The following HEATR5B variants were observed in gnomAD, a reference collection of about 807,000 sequenced individuals.
The protein encoded by HEATR5B is HEAT repeat containing 5B.
In HEATR5B, 156 loss-of-function variants were observed where a neutral mutation model predicts 224.1. That is an observed-to-expected ratio of 0.70 (90% CI 0.61 to 0.80). HEATR5B has a LOEUF of 0.80. HEATR5B is among the 30% of genes least tolerant of loss of function. The probability of loss-of-function intolerance (pLI) is 0.00; values close to 1 mark genes in which losing one functional copy is unlikely to be tolerated. For missense variants in HEATR5B, 2,323 were observed against 2,535.5 expected (o/e 0.92, Z 1.80); for synonymous variants, 1,027 against 893.0 (o/e 1.15, Z -2.68).
intron 16 of HEATR5B, 30 bp from the exon 17 acceptor site, chr2:37,053,637 A>C (rs771485038): frequency 2.8e-6 from 4 of 1,405,308 alleles, no homozygotes; most frequent in Admixed American, 3.7e-5. Flanking sequence ...AAATCACATT[A>C]GTGACAAATT....
intron 24 of HEATR5B, among the ~76,000 whole-genome samples, chr2:37,024,733 T>C (rs1328155441): frequency 6.6e-6 from 1 of 152,166 alleles, no homozygotes; most frequent in Non-Finnish European, 1.5e-5. Context: ...AGACCTATTA[T>C]TTCTCCTGCA....
chr2:37,040,139 G>C (rs1669782829), intron 20 of HEATR5B, among the ~76,000 whole-genome samples, 190 bp downstream of exon 20: 1 of 152,130 alleles, frequency 6.6e-6, no homozygotes, highest in African/African-American at 2.4e-5. Flanking sequence ...TCATGTCATA[G>C]GTTTCTTGTA....
At chr2:37,059,646 T>C (rs1671154951) in intron 12 of HEATR5B, among the ~76,000 whole-genome samples, 1 of 151,630 alleles carries the variant, frequency 6.6e-6, no homozygotes, top group East Asian at 1.9e-4. Flanking sequence ...GTATCTTTAG[T>C]AGAGACAAGG....
intron 20 of HEATR5B, among the ~76,000 whole-genome samples, chr2:37,039,657 A>G (rs977107452): frequency 3.3e-5 from 5 of 152,236 alleles, no homozygotes; most frequent in Non-Finnish European, 5.9e-5. Context: ...CTTTGAAAAC[A>G]TATATAATAA....
At chr2:37,049,187 G>A (rs1670381641) in intron 18 of HEATR5B, among the ~76,000 whole-genome samples, 1 of 152,116 alleles carries the variant, frequency 6.6e-6, no homozygotes, top group Admixed American at 6.5e-5. Flanking sequence ...ATATATAAGT[G>A]AATCCTTAAA....
chr2:36,987,631 C>G (rs896236927), intron 35 of HEATR5B, among the ~76,000 whole-genome samples: 1 of 151,690 alleles, frequency 6.6e-6, no homozygotes, highest in African/African-American at 2.4e-5. Flanking sequence ...TGGATGTATG[C>G]AGTAGTTTTT....
At chr2:37,032,018 CT>C (rs1266414419) in intron 22 of HEATR5B, among the ~76,000 whole-genome samples, 2 of 152,050 alleles carry the variant, frequency 1.3e-5, no homozygotes, top group East Asian at 1.9e-4. Flanking sequence ...AAAGATCATC[CT>C]TTTGCTACCA....
At chr2:37,048,767 C>T (rs541441123) in intron 18 of HEATR5B, among the ~76,000 whole-genome samples, 6 of 152,294 alleles carry the variant, frequency 3.9e-5, no homozygotes, top group African/African-American at 7.2e-5. Context: ...CTTTTGCCTG[C>T]TCATACTATC....
chr2:37,025,839 T>C (rs1030292902), intron 24 of HEATR5B, among the ~76,000 whole-genome samples: 1 of 152,212 alleles, frequency 6.6e-6, no homozygotes, highest in Admixed American at 6.5e-5. Flanking sequence ...AAATTCTTAC[T>C]TCCTCTGATT....
intron 33 of HEATR5B, among the ~76,000 whole-genome samples, chr2:36,994,136 TTAA>T (rs1666528077): frequency 6.6e-6 from 1 of 152,082 alleles, no homozygotes; most frequent in Non-Finnish European, 1.5e-5. Flanking sequence ...TTCAGCAAAA[TTAA>T]TAATAATATT....
chr2:37,083,452 G>A lies in HEATR5B; in HGVS notation c.-22-16C>T. On this transcript the variant is annotated splice_polypyrimidine_tract_variant and intron_variant, in intron 1 of 35. Coordinates refer to ENST00000233099, the MANE Select transcript of HEATR5B (RefSeq NM_019024.3). ...AAATTCACACCTTAAATTTAACAGA[G>A]TAAAAAATACTTGTAAGTATTTTTT... 6.4e-7 allele frequency: 1 copy of A among 1,563,584 alleles called. No individual in the cohort carries two copies. Among genetic ancestry groups the A allele is most frequent in the East Asian group, 2.2e-5 (1 of 44,510 alleles).
chr2:37,080,748 T>C (rs1343327068), intron 2 of HEATR5B, among the ~76,000 whole-genome samples: 1 of 150,530 alleles, frequency 6.6e-6, no homozygotes, highest in Non-Finnish European at 1.5e-5. Flanking sequence ...TACAATTAGA[T>C]GATATCACTG....
intron 34 of HEATR5B, 28 bp from the exon 35 acceptor site, chr2:36,988,887 A>T (rs1391511703): frequency 6.6e-7 from 1 of 1,516,072 alleles, no homozygotes; most frequent in Non-Finnish European, 9.2e-7. Flanking sequence ...ATTATCAATT[A>T]ACATGTGTAT....
intron 21 of HEATR5B, among the ~76,000 whole-genome samples, chr2:37,037,159 T>TATATA (rs1448007926): frequency 1.4e-5 from 2 of 139,366 alleles, no homozygotes; most frequent in Non-Finnish European, 3.1e-5. Flanking sequence ...TATATATATA[T>TATATA]TTTGGAGATG....
chr2:37,075,889 T>C (rs1014096300), intron 4 of HEATR5B: 3 of 243,118 alleles, frequency 1.2e-5, no homozygotes, highest in Non-Finnish European at 2.3e-5. Flanking sequence ...CTGAAGTACA[T>C]ACAATATAAT....
intron 31 of HEATR5B, 34 bp from the exon 32 acceptor site, chr2:37,002,606 C>G (rs758837286): frequency 9.4e-6 from 15 of 1,587,302 alleles, no homozygotes; most frequent in South Asian, 6.9e-5. Flanking sequence ...AAATTTCCAG[C>G]CAAAAAAAAG....
At chr2:37,060,215 T>C (rs960001401) in intron 12 of HEATR5B, among the ~76,000 whole-genome samples, 1 of 152,208 alleles carries the variant, frequency 6.6e-6, no homozygotes, top group African/African-American at 2.4e-5. Flanking sequence ...CAAATGCCAA[T>C]AACTTTGGTA....
At chr2:37,042,984 AT>A (rs1164441452) in intron 18 of HEATR5B, among the ~76,000 whole-genome samples, 1 of 152,102 alleles carries the variant, frequency 6.6e-6, no homozygotes, top group African/African-American at 2.4e-5. Context: ...AAAATAATGC[AT>A]CTTATCTGTG....
intron 18 of HEATR5B, among the ~76,000 whole-genome samples, chr2:37,047,901 C>T (rs1172023620): frequency 2.0e-5 from 3 of 152,076 alleles, no homozygotes; most frequent in Admixed American, 1.3e-4. Flanking sequence ...AAAAAATGTA[C>T]CATTACTTTA....
Sources: gnomAD v4.1 joint callset for allele counts (sites outside exome capture counted in the v4.1 genomes callset) on GRCh38, gnomAD v4.1.1 for gene constraint, MANE v1.5 for transcripts, NCBI Gene and HGNC (gene_info 2026-07-23, HGNC 2026-07-21) for gene names.